Variants in MYO1B observed in about 807,000 individuals in gnomAD.
MYO1B encodes myosin IB.
Under a neutral mutation model 159.7 loss-of-function variants are expected in MYO1B, and 72 were observed. The ratio of observed to expected loss-of-function variants is 0.45; its 90% CI spans 0.37 to 0.55. The LOEUF (loss-of-function observed/expected upper bound fraction) is 0.55, where lower values mean the gene tolerates loss of function less well. Among genes scored for constraint, MYO1B ranks in the 20% least tolerant of loss-of-function variants. The pLI, the probability that MYO1B is intolerant of heterozygous loss-of-function variation, is 0.00. For missense variants in MYO1B, 1,062 were observed against 1,364.8 expected, an observed-to-expected ratio of 0.78 and a Z score of 3.50; for synonymous variants, 468 against 473.8, an observed-to-expected ratio of 0.99 and a Z score of 0.16.
chr2:191,394,274 C>T (rs1213209877), intron 20 of MYO1B, among the ~76,000 whole-genome samples: 1 of 152,122 alleles, frequency 6.6e-6, no homozygotes, highest in South Asian at 2.1e-4. Flanking sequence ...GCCTGGTGGC[C>T]GTGGAGTCTC....
At chr2:191,336,929 GC>G (rs35366928) in intron 4 of MYO1B, among the ~76,000 whole-genome samples, 51,768 of 151,962 alleles carry the variant, frequency 0.34, 9,018 homozygotes, top group South Asian at 0.5. Context: ...TAAATGTATG[GC>G]CCTCTCTATA....
At chr2:191,405,894 G>A (rs564599790) in intron 24 of MYO1B, among the ~76,000 whole-genome samples, 11 of 152,258 alleles carry the variant, frequency 7.2e-5, no homozygotes, top group Non-Finnish European at 1.3e-4. Flanking sequence ...GTTAGCAGCT[G>A]TATTATTCTT....
chr2:191,362,295 G>C lies in MYO1B; in HGVS notation c.689G>C (p.Ser230Thr), dbSNP rs775484324. 1 of 1,613,726 alleles carries C rather than the reference G, an allele frequency of 6.2e-7. No individual in the cohort carries two copies. Among genetic ancestry groups the C allele is most frequent in the South Asian group, 1.1e-5 (1 of 91,032 alleles). The change falls in exon 9 of 31, where the codon AGC (serine) becomes ACC (threonine). Residue 230 changes from serine to threonine, a missense_variant. This residue lies in a region of MYO1B where 415 missense variants were observed against 544.0 expected (regional missense o/e 0.76). Coordinates refer to ENST00000392318, the MANE Select transcript of MYO1B (RefSeq NM_001130158.3). ...LNKLKLERDFSRYNYLSLDSA... is the reference protein window; with the variant it reads ...LNKLKLERDFTRYNYLSLDSA... ...AAACTTAAGCTTGAGAGGGATTTCA[G>C]CAGGTATAACTACCTGAGTCTGGAT...
At chr2:191,337,813 G>A (rs1691955239) in intron 4 of MYO1B, among the ~76,000 whole-genome samples, 1 of 152,028 alleles carries the variant, frequency 6.6e-6, no homozygotes, top group Non-Finnish European at 1.5e-5. Context: ...TTGAAATATG[G>A]TGGATGATAC....
At chr2:191,318,690 C>T (rs1164831291) in intron 3 of MYO1B, among the ~76,000 whole-genome samples, 1 of 152,148 alleles carries the variant, frequency 6.6e-6, no homozygotes, top group Non-Finnish European at 1.5e-5. Context: ...TATATGTAAT[C>T]TGTGTGTGAT....
chr2:191,280,005 G>C (rs952271807), intron 2 of MYO1B, among the ~76,000 whole-genome samples: 1 of 152,158 alleles, frequency 6.6e-6, no homozygotes, highest in African/African-American at 2.4e-5. Flanking sequence ...GGGGGGTTCA[G>C]TTCTAACATC....
chr2:191,369,432 T>C (rs989201113), intron 11 of MYO1B, 110 bp from the exon 12 acceptor site: 1 of 800,654 alleles, frequency 1.2e-6, no homozygotes, highest in African/African-American at 1.7e-5. Flanking sequence ...TCTGCAAAGA[T>C]GTGAAATAAA....
chr2:191,294,810 A>G lies in MYO1B; in HGVS notation c.136-1301A>G, dbSNP rs555078233. 1.2e-4 allele frequency among the ~76,000 whole-genome samples: 19 copies of G among 152,246 alleles called. No individual in the cohort carries two copies. In the South Asian group the frequency reaches 3.9e-3, roughly 32 times the overall value. ...TGAAAGTGTGTTTATATATATATAT[A>G]ACCTGTTCAGTTTTCCTAGTTGGGA... On this transcript the variant is annotated intron_variant, in intron 2 of 30. Transcript: ENST00000392318.
chr2:191,364,191 A>G lies in MYO1B; in HGVS notation c.947A>G (p.Asp316Gly), dbSNP rs757180275. Residue 316 changes from aspartate to glycine, a missense_variant, in exon 11 of 31, where the codon GAT becomes GGT. Physicochemically the swap from Asp to Gly is moderately conservative, Grantham distance 94. Coordinates refer to ENST00000392318, the MANE Select transcript of MYO1B (RefSeq NM_001130158.3). ...LKEICELTGI[D>G]QSVLERAFSF... ...GAAATTTGTGAATTGACCGGCATTGATCAATCAGTTCTAGAACGAGCATTC... is the reference window on the plus strand; with the variant it reads ...GAAATTTGTGAATTGACCGGCATTGGTCAATCAGTTCTAGAACGAGCATTC... The G allele has an allele frequency of 6.2e-7, 1 of 1,613,940 alleles. No individual in the cohort carries two copies. The highest frequency in any genetic ancestry group is 8.5e-7 in the Non-Finnish European group (1 of 1,179,872).
intron 23 of MYO1B, chr2:191,402,077 T>G (rs1281484903): frequency 9.2e-5 from 14 of 152,352 alleles, no homozygotes; most frequent in Admixed American, 9.2e-4. Flanking sequence ...ATTTTTTGAC[T>G]GGAAGGAATT....
rs1401546349 is a variant in MYO1B at position 191,248,981 on chromosome 2, T to C, written c.-10+3355T>C. On this transcript the variant is annotated intron_variant, in intron 1 of 30. Transcript: ENST00000392318. ...TGTATTGCTAAAGAGCTGTATGTTATGGCCTGTATGAATAAGCTGTAAGTG... is the reference window on the plus strand; with the variant it reads ...TGTATTGCTAAAGAGCTGTATGTTACGGCCTGTATGAATAAGCTGTAAGTG... 3.9e-5 allele frequency among the ~76,000 whole-genome samples: 6 copies of C among 152,252 alleles called. No individual in the cohort carries two copies. In the East Asian group the frequency reaches 1.2e-3, roughly 29 times the overall value.
In MYO1B at chr2:191,423,991, G is replaced by GT. The variant is rs759774534; in HGVS notation, c.*33dup. ...GCCTCCTCTCTACTTTCATGGACTTGTTCCTTTGTAATAGTGCAATTTGGT... is the reference window on the plus strand; with the variant it reads ...GCCTCCTCTCTACTTTCATGGACTTGTTTCCTTTGTAATAGTGCAATTTGGT... On this transcript the variant is annotated 3_prime_UTR_variant, in exon 31 of 31. Coordinates refer to ENST00000392318, the MANE Select transcript of MYO1B (RefSeq NM_001130158.3). 1.2e-6 allele frequency: 2 copies of GT among 1,603,898 alleles called. No individual in the cohort carries two copies. Among genetic ancestry groups the GT allele is most frequent in the East Asian group, 4.5e-5 (2 of 44,794 alleles).
chr2:191,304,459 A>G (rs1169911825), intron 3 of MYO1B, among the ~76,000 whole-genome samples: 1 of 152,088 alleles, frequency 6.6e-6, no homozygotes, highest in Non-Finnish European at 1.5e-5. Flanking sequence ...AGTCCCAGCT[A>G]CTCGGGGGGC....
chr2:191,410,708 T>C, intron 26 of MYO1B, among the ~76,000 whole-genome samples: 1 of 152,176 alleles, frequency 6.6e-6, no homozygotes, highest in Non-Finnish European at 1.5e-5. Context: ...GCTTAGTGGA[T>C]TGTGATGCAC....
chr2:191,302,539 C>G (rs1689400553), intron 3 of MYO1B, among the ~76,000 whole-genome samples: 1 of 152,066 alleles, frequency 6.6e-6, no homozygotes, highest in African/African-American at 2.4e-5. Flanking sequence ...CTCTTCAACT[C>G]TTAAGTATTT....
Position 191,407,902 on chromosome 2 carries a change from A to G in MYO1B, c.2557-213A>G, listed in dbSNP as rs183328361. 1,485 of 380,570 alleles carry G rather than the reference A, an allele frequency of 3.9e-3. 5 individuals carry two copies. The highest frequency in any genetic ancestry group is 5.8e-3 in the Non-Finnish European group (1,251 of 213,998). 23.6% of individuals were successfully genotyped at this position (380,570 alleles called of 1,614,324 possible). On this transcript the variant is annotated intron_variant, in intron 24 of 30. Transcript: ENST00000392318. ...ACTACTAAGAGGATTTAAAACATCA[A>G]TTCATGCTGGTTTCATCATTTTACA...
Position 191,329,979 on chromosome 2 carries a change from A to T in MYO1B, c.296A>T (p.Asp99Val), listed in dbSNP as rs953032847. ...GCATACAGATCCCTACGAGATCAAG[A>T]TAAGGACCAATGTATTCTCATTACT... ...DEAYRSLRDQ[D>V]KDQCILITGE... is the part of the protein sequence containing the mutation. The change falls in exon 4 of 31, where the codon GAT becomes GTT. Residue 99 changes from aspartate (D) to valine (V), a missense_variant. Around this residue, in one of 5 missense-constraint regions of MYO1B, gnomAD observed 415 missense variants for 544.0 expected, o/e 0.76. Coordinates refer to ENST00000392318, the MANE Select transcript of MYO1B (RefSeq NM_001130158.3). The T allele has an allele frequency of 2.5e-6, 4 of 1,612,762 alleles. No individual in the cohort carries two copies. Among genetic ancestry groups the T allele is most frequent in the African/African-American group, 2.7e-5 (2 of 74,832 alleles).
chr2:191,393,419 A>G (rs940361760), intron 20 of MYO1B, among the ~76,000 whole-genome samples, 197 bp downstream of exon 20: 2 of 152,236 alleles, frequency 1.3e-5, no homozygotes, highest in African/African-American at 4.8e-5. Context: ...GCCCACAGCC[A>G]CATAGCTATA....
At position 191,414,613 on chromosome 2, in the gene MYO1B, A is replaced by G. The variant is rs149460981; in HGVS notation, c.3103A>G (p.Thr1035Ala). ...IKSEVPLVDV[T>A]KVSMSSQNDG... The stretch of plus-strand genomic sequence containing the variant: ...GTCAGAGGTTCCATTGGTGGATGTG[A>G]CCAAGGTATCAATGAGCTCACAAAA... Residue 1035 changes from threonine to alanine, a missense_variant, in exon 29 of 31, where the codon ACC (threonine) becomes GCC (alanine). Transcript: ENST00000392318. The G allele has an allele frequency of 1.3e-3, 2,022 of 1,613,792 alleles. 1 individual carries two copies. The highest frequency in any genetic ancestry group is 1.5e-3 in the Non-Finnish European group (1,790 of 1,179,838).
Sources: gnomAD v4.1 joint callset for allele counts (sites outside exome capture counted in the v4.1 genomes callset) on GRCh38, gnomAD v4.1.1 for gene constraint, gnomAD v4.1.1 regional missense constraint, MANE v1.5 for transcripts, NCBI Gene and HGNC (gene_info 2026-07-23, HGNC 2026-07-21) for gene names.